The following SLC25A16 variants were observed in gnomAD, a reference collection of about 807,000 sequenced individuals.
SLC25A16 encodes mitochondrial coenzyme A transporter SLC25A16.
Under a neutral mutation model 41.5 loss-of-function variants are expected in SLC25A16, and 39 were observed. The ratio of observed to expected loss-of-function variants is 0.94; its 90% CI spans 0.73 to 1.23. The LOEUF (loss-of-function observed/expected upper bound fraction) is 1.23, where lower values mean the gene tolerates loss of function less well. Ranked by LOEUF, SLC25A16 falls within the 50% of genes most tolerant of loss-of-function variation. The probability of loss-of-function intolerance (pLI) is 0.00; values close to 1 mark genes in which losing one functional copy is unlikely to be tolerated. For synonymous variants in SLC25A16, 146 were observed against 147.8 expected, an observed-to-expected ratio of 0.99 and a Z score of 0.09; for missense variants, 421 against 426.9, an observed-to-expected ratio of 0.99 and a Z score of 0.12.
chr10:68,509,743 CTATATATA>C (rs199603840), intron 2 of SLC25A16, among the ~76,000 whole-genome samples: 1 of 144,664 alleles, frequency 6.9e-6, no homozygotes, highest in African/African-American at 2.6e-5. Context: ...ATATATATAT[CTATATATA>C]TAGATATATA....
intron 1 of SLC25A16, among the ~76,000 whole-genome samples, chr10:68,524,972 A>G (rs2053313523): frequency 6.6e-6 from 1 of 151,800 alleles, no homozygotes; most frequent in South Asian, 2.1e-4. Flanking sequence ...ACTTGAACCC[A>G]GGAAGCAGAG....
intron 6 of SLC25A16, 83 bp from the exon 7 acceptor site, chr10:68,488,712 ATT>A: frequency 9.3e-7 from 1 of 1,080,478 alleles, no homozygotes; most frequent in East Asian, 2.6e-5. Context: ...TAATAAACAC[ATT>A]TCCTAATTTC....
At chr10:68,499,323 C>T (rs764497893) in intron 4 of SLC25A16, among the ~76,000 whole-genome samples, 5 of 152,302 alleles carry the variant, frequency 3.3e-5, no homozygotes, top group South Asian at 2.1e-4. Flanking sequence ...GCACAACAAG[C>T]GGAACTCAGC....
At chr10:68,499,639 A>G in intron 4 of SLC25A16, 1 of 348,966 alleles carries the variant, frequency 2.9e-6, no homozygotes, top group South Asian at 3.0e-5. Flanking sequence ...CTCTTTCCAA[A>G]GAGCTGAGAC....
rs2052493161 is a variant in SLC25A16 at position 68,482,355 on chromosome 10, C to T, written c.*1077G>A. ...CTAAACAGAATAAATGGAATTCTTA[C>T]ATTTTAAAACATTTTCTTAATATAA... On this transcript the variant is annotated 3_prime_UTR_variant, in exon 9 of 9. Transcript: ENST00000609923. 6.6e-6 allele frequency: 1 copy of T among 152,408 alleles called. No individual in the cohort carries two copies. 9.4% of individuals were successfully genotyped at this position (152,408 alleles called of 1,614,324 possible). A position where few individuals can be genotyped will look rare whatever the true frequency, so the allele number is the denominator to read the frequency against.
chr10:68,494,598 G>C (rs1202866518), intron 4 of SLC25A16, among the ~76,000 whole-genome samples: 1 of 149,430 alleles, frequency 6.7e-6, no homozygotes, highest in African/African-American at 2.4e-5. Context: ...ATCACTGTGG[G>C]AGCTAGGCAT....
chr10:68,494,238 G>A (rs964797963), intron 4 of SLC25A16, among the ~76,000 whole-genome samples: 1 of 151,780 alleles, frequency 6.6e-6, no homozygotes, highest in Non-Finnish European at 1.5e-5. Context: ...GCCGAGGCAG[G>A]TGGATTATGA....
intron 4 of SLC25A16, among the ~76,000 whole-genome samples, chr10:68,498,834 G>C (rs553629057): frequency 6.6e-6 from 1 of 152,182 alleles, no homozygotes; most frequent in African/African-American, 2.4e-5. Context: ...TCCAGCCTCT[G>C]CTGTGATTGG....
At chr10:68,510,569 G>A (rs910662182) in intron 2 of SLC25A16, among the ~76,000 whole-genome samples, 11 of 151,434 alleles carry the variant, frequency 7.3e-5, no homozygotes, top group Admixed American at 1.3e-4. Context: ...GGCCGGGCGC[G>A]GTGGCTTACG....
chr10:68,524,809 G>A (rs751555702), intron 1 of SLC25A16, among the ~76,000 whole-genome samples: 31 of 150,898 alleles, frequency 2.1e-4, no homozygotes, highest in East Asian at 3.9e-4. Context: ...ACCCGGATAC[G>A]GAGGTTGCAG....
At chr10:68,516,372 A>G (rs886252183) in intron 2 of SLC25A16, among the ~76,000 whole-genome samples, 1 of 152,112 alleles carries the variant, frequency 6.6e-6, no homozygotes, top group African/African-American at 2.4e-5. Context: ...AGGGAAGGAG[A>G]AAGTAACCTG....
At chr10:68,494,326 G>T (rs1176516171) in intron 4 of SLC25A16, among the ~76,000 whole-genome samples, 1 of 141,372 alleles carries the variant, frequency 7.1e-6, no homozygotes, top group Non-Finnish European at 1.6e-5. Context: ...GCTGGGTGTG[G>T]CGGCACATTC....
intron 3 of SLC25A16, among the ~76,000 whole-genome samples, chr10:68,505,398 A>G (rs1333068038): frequency 6.6e-6 from 1 of 152,088 alleles, no homozygotes; most frequent in Non-Finnish European, 1.5e-5. Context: ...AGGGAAACAC[A>G]TTAAAAATAT....
chr10:68,478,532 T>A lies in SLC25A16; in HGVS notation c.*4900A>T, dbSNP rs2052452393. ...AAAAAATAAATAATTATACATAGGG[T>A]TTTTTAAAAAAACATTTTATATAAA... On this transcript the variant is annotated 3_prime_UTR_variant, in exon 9 of 9. Transcript: ENST00000609923. 6.6e-6 allele frequency: 1 copy of A among 151,690 alleles called. No homozygotes were observed. The allele number at this position is 151,690 out of a possible 1,614,324, so 9.4% of individuals were successfully genotyped here.
chr10:68,523,778 A>G (rs1429321019), intron 1 of SLC25A16, among the ~76,000 whole-genome samples: 1 of 152,018 alleles, frequency 6.6e-6, no homozygotes, highest in Admixed American at 6.6e-5. Flanking sequence ...CCTAGCCTAA[A>G]TGTCATTTTA....
At chr10:68,495,731 G>A (rs528018918) in intron 4 of SLC25A16, among the ~76,000 whole-genome samples, 5 of 127,872 alleles carry the variant, frequency 3.9e-5, no homozygotes, top group East Asian at 4.9e-4. Context: ...GCAGTGAGCC[G>A]AGATCATGCC....
intron 1 of SLC25A16, among the ~76,000 whole-genome samples, chr10:68,519,907 C>T (rs1006907403): frequency 1.3e-5 from 2 of 150,172 alleles, no homozygotes; most frequent in African/African-American, 4.9e-5. Context: ...AAGAACGAAA[C>T]TCCGTCTCAA....
intron 2 of SLC25A16, among the ~76,000 whole-genome samples, chr10:68,515,713 G>A (rs1362635779): frequency 2.6e-5 from 4 of 151,854 alleles, no homozygotes; most frequent in South Asian, 2.1e-4. Flanking sequence ...CAGGAGAATC[G>A]CTTGAACCTG....
intron 6 of SLC25A16, among the ~76,000 whole-genome samples, chr10:68,490,784 G>A (rs1396781725): frequency 6.6e-6 from 1 of 151,774 alleles, no homozygotes; most frequent in Non-Finnish European, 1.5e-5. Flanking sequence ...ATTCTCAGAA[G>A]AAAATTTTTT....
Sources: gnomAD v4.1 joint callset for allele counts (sites outside exome capture counted in the v4.1 genomes callset) on GRCh38, gnomAD v4.1.1 for gene constraint, MANE v1.5 for transcripts, NCBI Gene and HGNC (gene_info 2026-07-23, HGNC 2026-07-21) for gene names.